The following CRYBG1 variants were observed in gnomAD, a reference collection of about 807,000 sequenced individuals.
CRYBG1 encodes beta/gamma crystallin domain-containing protein 1.
CRYBG1 carries 139 observed loss-of-function variants against 189.2 expected under a neutral mutation model. The ratio of observed to expected loss-of-function variants is 0.73; its 90% CI spans 0.64 to 0.85. The LOEUF is 0.85. Ranked by LOEUF, CRYBG1 falls within the 40% of genes least tolerant of loss-of-function variation. The pLI, the probability that CRYBG1 is intolerant of heterozygous loss-of-function variation, is 0.00. For synonymous variants in CRYBG1, 1,023 were observed against 1,017.1 expected (o/e 1.01, Z -0.11); for missense variants, 2,611 against 2,675.8 (o/e 0.98, Z 0.53).
At chr6:106,419,831 T>C (rs78137360) in intron 1 of CRYBG1, among the ~76,000 whole-genome samples, 1,736 of 152,332 alleles carry the variant, frequency 0.011, 42 homozygotes, top group African/African-American at 0.04. Context: ...AAAAATCATC[T>C]GAGCAGACAA....
At chr6:106,418,239 C>T (rs1393001494) in intron 1 of CRYBG1, among the ~76,000 whole-genome samples, 1 of 152,176 alleles carries the variant, frequency 6.6e-6, no homozygotes, top group Non-Finnish European at 1.5e-5. Flanking sequence ...AGGGGAAGGG[C>T]AGGCCATAGC....
intron 9 of CRYBG1, 127 bp from the exon 10 acceptor site, chr6:106,541,459 G>A (rs985668651): frequency 3.3e-5 from 30 of 919,684 alleles, no homozygotes; most frequent in Middle Eastern, 2.2e-4. Context: ...ACTATCTCAC[G>A]TAAGTTAAAA....
chr6:106,403,549 C>A (rs1770763364), intron 1 of CRYBG1, among the ~76,000 whole-genome samples: 1 of 152,220 alleles, frequency 6.6e-6, no homozygotes, highest in Non-Finnish European at 1.5e-5. Context: ...CGGAGCACCA[C>A]TTTCTACCTT....
chr6:106,500,573 T>C (rs1772986279), intron 2 of CRYBG1, among the ~76,000 whole-genome samples: 1 of 152,230 alleles, frequency 6.6e-6, no homozygotes, highest in African/African-American at 2.4e-5. Context: ...TAATCCCTTA[T>C]CCAATGTATG....
chr6:106,458,083 G>T (rs567901611), intron 2 of CRYBG1, among the ~76,000 whole-genome samples: 86 of 152,326 alleles, frequency 5.6e-4, no homozygotes, highest in African/African-American at 1.9e-3. Flanking sequence ...TTATTTTTGA[G>T]CTATGTGAAA....
At position 106,360,881 on chromosome 6, in the gene CRYBG1, G is replaced by C; in HGVS notation, c.-28G>C. The C allele has an allele frequency of 6.6e-7, 1 of 1,510,996 alleles. No homozygotes were observed. Among genetic ancestry groups the C allele is most frequent in the Non-Finnish European group, 8.8e-7 (1 of 1,133,936 alleles). 93.6% of individuals were successfully genotyped at this position (1,510,996 alleles called of 1,614,324 possible). A position where few individuals can be genotyped will look rare whatever the true frequency, so the allele number is the denominator to read the frequency against. ...GGGCGGCAGAGAGGACCGCGTCCCG[G>C]CAGTCGGAGCGGGAGGAGGACAAGA... On this transcript the variant is annotated 5_prime_UTR_variant, in exon 1 of 22. Coordinates refer to ENST00000633556, the MANE Select transcript of CRYBG1 (RefSeq NM_001371242.2).
chr6:106,382,795 T>C (rs931869032), intron 1 of CRYBG1, among the ~76,000 whole-genome samples: 2 of 152,226 alleles, frequency 1.3e-5, no homozygotes, highest in African/African-American at 4.8e-5. Flanking sequence ...ATGCAAAAGC[T>C]AGCTTTGGAT....
At chr6:106,392,114 G>C (rs543953076) in intron 1 of CRYBG1, among the ~76,000 whole-genome samples, 1 of 152,126 alleles carries the variant, frequency 6.6e-6, no homozygotes. Flanking sequence ...CTCTCAGTGC[G>C]ATGAGGTTTA....
Position 106,520,159 on chromosome 6 carries a change from T to A in CRYBG1, c.2951T>A (p.Val984Glu), listed in dbSNP as rs758418636. 23 of 1,614,002 alleles carry A rather than the reference T, an allele frequency of 1.4e-5. No individual in the cohort carries two copies. Among genetic ancestry groups the A allele is most frequent in the Non-Finnish European group, 1.9e-5 (22 of 1,180,042 alleles). The change falls in exon 4 of 22, where the codon GTG (valine) becomes GAG (glutamate). Residue 984 changes from valine to glutamate, a missense_variant. Val to Glu is a moderately radical substitution (Grantham distance 121). This residue lies in a region of CRYBG1 where 1,622 missense variants were observed against 1,735.0 expected (regional missense o/e 0.93). Transcript: ENST00000633556. ...CCAGAGAGCTCTGAAGTTAGAGAAG[T>A]GCAGTTGCCAACTTGTCACAGTAAT... is the stretch of plus-strand genomic sequence containing the variant. ...VIPESSEVRE[V>E]QLPTCHSNEP... is the part of the protein sequence containing the mutation.
At chr6:106,488,578 C>T (rs1772643608) in intron 2 of CRYBG1, among the ~76,000 whole-genome samples, 1 of 151,902 alleles carries the variant, frequency 6.6e-6, no homozygotes, top group Admixed American at 6.6e-5. Flanking sequence ...AATCCTGGGG[C>T]AGGTGCTTGC....
At chr6:106,555,729 T>G in intron 16 of CRYBG1, 39 bp from the exon 17 acceptor site, 1 of 1,607,250 alleles carries the variant, frequency 6.2e-7, no homozygotes, top group Non-Finnish European at 8.5e-7. Context: ...GTGCTCAAGT[T>G]GCATATTCTG....
At chr6:106,371,352 G>A (rs1025068292) in intron 1 of CRYBG1, among the ~76,000 whole-genome samples, 1 of 152,190 alleles carries the variant, frequency 6.6e-6, no homozygotes, top group Non-Finnish European at 1.5e-5. Context: ...TATCATGCAT[G>A]TCATTACAAA....
chr6:106,373,414 C>T (rs1770083437), intron 1 of CRYBG1, among the ~76,000 whole-genome samples: 3 of 152,162 alleles, frequency 2.0e-5, no homozygotes, highest in Non-Finnish European at 4.4e-5. Context: ...GCATAAAGGT[C>T]ACAGCCCCAA....
At chr6:106,463,991 T>C (rs1332086282) in intron 2 of CRYBG1, among the ~76,000 whole-genome samples, 1 of 152,154 alleles carries the variant, frequency 6.6e-6, no homozygotes, top group Non-Finnish European at 1.5e-5. Context: ...CAGAAAAACA[T>C]GGGGAAAAAC....
chr6:106,418,831 A>T (rs963557759), intron 1 of CRYBG1, among the ~76,000 whole-genome samples: 3 of 152,220 alleles, frequency 2.0e-5, no homozygotes, highest in African/African-American at 7.2e-5. Flanking sequence ...AAAAGAGAAT[A>T]GTTCTGTCTC....
chr6:106,491,538 T>C (rs1457690279), intron 2 of CRYBG1, among the ~76,000 whole-genome samples: 1 of 152,120 alleles, frequency 6.6e-6, no homozygotes, highest in Non-Finnish European at 1.5e-5. Context: ...CTCCCTACCC[T>C]CCGACGGAGC....
chr6:106,511,330 C>G (rs922492573), intron 2 of CRYBG1, 100 bp from the exon 3 acceptor site: 2 of 1,036,534 alleles, frequency 1.9e-6, no homozygotes, highest in African/African-American at 3.2e-5. Flanking sequence ...ATTAGAAACT[C>G]TGGTCTGTTA....
intron 1 of CRYBG1, among the ~76,000 whole-genome samples, chr6:106,444,642 C>T (rs1026220485): frequency 1.3e-5 from 2 of 152,194 alleles, no homozygotes; most frequent in African/African-American, 4.8e-5. Context: ...AATCAACATA[C>T]TAGTGGTCCT....
At chr6:106,455,164 C>T (rs1217708051) in intron 2 of CRYBG1, among the ~76,000 whole-genome samples, 3 of 152,026 alleles carry the variant, frequency 2.0e-5, no homozygotes, top group African/African-American at 4.8e-5. Context: ...TTGGCTTTAG[C>T]GTAGAAGGTA....
Sources: gnomAD v4.1 joint callset for allele counts (sites outside exome capture counted in the v4.1 genomes callset) on GRCh38, gnomAD v4.1.1 for gene constraint, gnomAD v4.1.1 regional missense constraint, MANE v1.5 for transcripts, NCBI Gene and HGNC (gene_info 2026-07-23, HGNC 2026-07-21) for gene names.